Variants in WNK1 observed in about 807,000 individuals in gnomAD.
WNK1 encodes WNK lysine deficient protein kinase 1.
Under a neutral mutation model 222.8 loss-of-function variants are expected in WNK1, and 38 were observed. The ratio of observed to expected loss-of-function variants is 0.17; its 90% CI spans 0.13 to 0.22. The LOEUF (loss-of-function observed/expected upper bound fraction) is 0.22. Ranked by LOEUF, WNK1 falls within the 10% of genes least tolerant of loss-of-function variation. The pLI, the probability that WNK1 is intolerant of heterozygous loss-of-function variation, is 1.00. For synonymous variants in WNK1, 1,090 were observed against 1,092.9 expected, an observed-to-expected ratio of 1.00 and a Z score of 0.05; for missense variants, 2,348 against 2,918.4, an observed-to-expected ratio of 0.80 and a Z score of 4.50.
chr12:834,156 A>G (rs1023447139), intron 4 of WNK1, among the ~76,000 whole-genome samples: 1 of 152,182 alleles, frequency 6.6e-6, no homozygotes, highest in Non-Finnish European at 1.5e-5. Context: ...CTGAGATGCC[A>G]AACACCGTAG....
In WNK1 at chr12:827,571, C is replaced by A; in HGVS notation, c.1153+309C>A. 1 of 438,168 alleles carries A rather than the reference C, an allele frequency of 2.3e-6. No individual in the cohort carries two copies. The highest frequency in any genetic ancestry group is 3.7e-5 in the Admixed American group (1 of 27,336). The allele number at this position is 438,168 out of a possible 1,614,324, so 27.1% of individuals were successfully genotyped here. ...TGAGATGGAGTCTCTCTCTGTCACC[C>A]AGGCTAGAGTGCAGTGGCACAATCT... On this transcript the variant is annotated intron_variant, in intron 3 of 27. Coordinates refer to ENST00000315939, the MANE Select transcript of WNK1 (RefSeq NM_018979.4). This position sits in a 1 kb window ranked among gnomAD's most constrained non-coding sequence, Gnocchi z 4.6.
At chr12:813,522 C>A in intron 1 of WNK1, 120 bp from the exon 2 acceptor site, 1 of 1,014,110 alleles carries the variant, frequency 9.9e-7, no homozygotes, top group Non-Finnish European at 1.5e-6. Context: ...ATAACTTCAG[C>A]ATTTGCATTT....
chr12:763,648 T>G lies in WNK1; in HGVS notation c.759+9324T>G, dbSNP rs1941327013. On this transcript the variant is annotated intron_variant, in intron 1 of 27. Coordinates refer to ENST00000315939, the MANE Select transcript of WNK1 (RefSeq NM_018979.4). ...TCTGGAATTTTCCATTTAATATTTTTGGACAGTGGGAAGTGAAGCCTCAAG... is the reference window on the plus strand; with the variant it reads ...TCTGGAATTTTCCATTTAATATTTTGGGACAGTGGGAAGTGAAGCCTCAAG... Among the ~76,000 whole-genome samples the G allele has an allele frequency of 2.0e-5, 3 of 147,506 alleles. No individual in the cohort carries two copies. In the South Asian group the frequency reaches 6.6e-4, roughly 33 times the overall value.
rs1281313258 is a variant in WNK1, at chr12:909,257, T to C, written c.*465T>C. Reference sequence around the variant, plus strand: ...TCTCTCCTACCCTGCCCTCCTCCCTTTTTTTTACCCCTCTCTTTTTTATTT... The same window carrying C: ...TCTCTCCTACCCTGCCCTCCTCCCTCTTTTTTACCCCTCTCTTTTTTATTT... On this transcript the variant is annotated 3_prime_UTR_variant, in exon 28 of 28. Transcript: ENST00000315939. The C allele has an allele frequency of 5.9e-6, 1 of 168,264 alleles. No homozygotes were observed. 10.4% of individuals were successfully genotyped at this position (168,264 alleles called of 1,614,324 possible). A position where few individuals can be genotyped will look rare whatever the true frequency, so the allele number is the denominator to read the frequency against.
At chr12:807,176 G>A (rs1565457685) in intron 1 of WNK1, among the ~76,000 whole-genome samples, 1 of 151,990 alleles carries the variant, frequency 6.6e-6, no homozygotes. Flanking sequence ...AAGTTAACAA[G>A]AGCTGGGTGT....
At chr12:891,797 G>C (rs997409534) in intron 22 of WNK1, among the ~76,000 whole-genome samples, 1 of 151,668 alleles carries the variant, frequency 6.6e-6, no homozygotes. Context: ...AGCTGTGGTG[G>C]TGTATGCCTG....
At position 900,480 on chromosome 12, in the gene WNK1, C is replaced by G; in HGVS notation, c.6453C>G (p.Asn2151Lys). ...TGCCACTTTATCTTTTGGCAGGTAA[C>G]CTGTCTGGTCAGAGTGCAGCTTCAG... is the stretch of plus-strand genomic sequence containing the variant. ...LGNKSPQLSGNLSGQSAASVL... is the reference protein window; with the variant it reads ...LGNKSPQLSGKLSGQSAASVL... The change falls in exon 26 of 28, where the codon AAC becomes AAG. Residue 2151 changes from asparagine (N) to lysine (K), a missense_variant. This residue lies in a region of WNK1 where 1,144 missense variants were observed against 1,273.6 expected (regional missense o/e 0.90). Coordinates refer to ENST00000315939, the MANE Select transcript of WNK1 (RefSeq NM_018979.4). 6.2e-7 allele frequency: 1 copy of G among 1,614,164 alleles called. No homozygotes were observed. The highest frequency in any genetic ancestry group is 8.5e-7 in the Non-Finnish European group (1 of 1,180,020).
chr12:908,631 G>T lies in WNK1; in HGVS notation c.6988G>T (p.Ala2330Ser). 6.2e-7 allele frequency: 1 copy of T among 1,614,204 alleles called. No homozygotes were observed. The highest frequency in any genetic ancestry group is 8.5e-7 in the Non-Finnish European group (1 of 1,180,040). Residue 2330 changes from alanine (A) to serine (S), a missense_variant, in exon 28 of 28, where the codon GCT becomes TCT. Physicochemically the swap from Ala to Ser is moderately conservative, Grantham distance 99. This residue lies in a region of WNK1 where 76 missense variants were observed against 85.7 expected (regional missense o/e 0.89). Coordinates refer to ENST00000315939, the MANE Select transcript of WNK1 (RefSeq NM_018979.4). ...MCPPQQYGFP[A>S]TPFGAQWSGT... is the part of the protein sequence containing the mutation. ...CCCCCCACAGCAGTATGGCTTTCCA[G>T]CTACCCCATTTGGCGCTCAATGGAG...
chr12:907,436 A>C (rs141492298), intron 26 of WNK1, among the ~76,000 whole-genome samples: 9 of 152,214 alleles, frequency 5.9e-5, no homozygotes, highest in Middle Eastern at 3.4e-3. Flanking sequence ...TGCCCAATGC[A>C]CAAGAAAACC....
chr12:877,183 C>T (rs1043861752), intron 9 of WNK1, among the ~76,000 whole-genome samples: 1 of 151,538 alleles, frequency 6.6e-6, no homozygotes, highest in African/African-American at 2.4e-5. Flanking sequence ...CCTGCCTCAG[C>T]CTCCTGAGTA....
chr12:792,821 TA>T (rs1296309431), intron 1 of WNK1, among the ~76,000 whole-genome samples: 2 of 151,952 alleles, frequency 1.3e-5, no homozygotes, highest in South Asian at 2.1e-4. Context: ...GTACTCACAT[TA>T]AAAAAAATAT....
At chr12:873,646 A>C (rs145047792) in intron 9 of WNK1, among the ~76,000 whole-genome samples, 2 of 152,336 alleles carry the variant, frequency 1.3e-5, no homozygotes, top group East Asian at 3.9e-4. Context: ...CAGGGACTTA[A>C]TGATTCTGCA....
chr12:825,979 T>C (rs909390767), intron 2 of WNK1, among the ~76,000 whole-genome samples: 3 of 152,236 alleles, frequency 2.0e-5, no homozygotes, highest in Non-Finnish European at 2.9e-5. Flanking sequence ...CTCTGTTCAG[T>C]TCTTTTAGCA....
intron 8 of WNK1, 108 bp from the exon 9 acceptor site, chr12:871,157 T>G: frequency 9.2e-7 from 1 of 1,088,982 alleles, no homozygotes; most frequent in South Asian, 1.3e-5. Context: ...AATGTTTCAT[T>G]TTGATCAAGC....
At chr12:841,377 G>A (rs1032127424) in intron 4 of WNK1, among the ~76,000 whole-genome samples, 5 of 152,296 alleles carry the variant, frequency 3.3e-5, no homozygotes, top group East Asian at 1.9e-4. Context: ...GGCATTTTGT[G>A]TCTGGCTTCT....
At chr12:890,727 C>T (rs1954144250) in intron 22 of WNK1, among the ~76,000 whole-genome samples, 1 of 152,146 alleles carries the variant, frequency 6.6e-6, no homozygotes, top group Admixed American at 6.5e-5. Context: ...TGATAAGACC[C>T]TTCATTATTA....
intron 1 of WNK1, among the ~76,000 whole-genome samples, chr12:765,355 C>T (rs1941556884): frequency 6.8e-6 from 1 of 146,196 alleles, no homozygotes; most frequent in South Asian, 2.3e-4. Flanking sequence ...CAAGACCAGC[C>T]TGGGCAACAT....
chr12:854,106 G>A (rs1950594633), intron 4 of WNK1, among the ~76,000 whole-genome samples: 2 of 151,856 alleles, frequency 1.3e-5, no homozygotes, highest in South Asian at 2.1e-4. Context: ...GTTAGCTCAT[G>A]CCAGTAATCC....
chr12:762,185 G>T (rs1230025512), intron 1 of WNK1, among the ~76,000 whole-genome samples: 1 of 145,034 alleles, frequency 6.9e-6, no homozygotes, highest in African/African-American at 2.5e-5. Flanking sequence ...TCAGCCTCCC[G>T]AGTAGCTGGG....
Sources: gnomAD v4.1 joint callset for allele counts (sites outside exome capture counted in the v4.1 genomes callset) on GRCh38, gnomAD v4.1.1 for gene constraint, gnomAD v4.1.1 regional missense constraint, Gnocchi (gnomAD v3.1) non-coding constraint, MANE v1.5 for transcripts, NCBI Gene and HGNC (gene_info 2026-07-23, HGNC 2026-07-21) for gene names.